The following MORC3 variants were observed in gnomAD, a reference collection of about 807,000 sequenced individuals.
The protein encoded by MORC3 is MORC family CW-type zinc finger protein 3.
Under a neutral mutation model 109.1 loss-of-function variants are expected in MORC3, and 31 were observed. That is an observed-to-expected ratio of 0.28 (90% confidence interval 0.21 to 0.38). The LOEUF is 0.38. MORC3 is among the 10% of genes least tolerant of loss of function. The probability of loss-of-function intolerance (pLI) is 1.00; values close to 1 mark genes in which losing one functional copy is unlikely to be tolerated. For missense variants in MORC3, 867 were observed against 1,135.8 expected (o/e 0.76, Z 3.40); for synonymous variants, 395 against 380.7 (o/e 1.04, Z -0.44).
intron 9 of MORC3, among the ~76,000 whole-genome samples, chr21:36,354,196 AGG>A (rs1385710443): frequency 6.6e-6 from 1 of 152,090 alleles, no homozygotes; most frequent in Non-Finnish European, 1.5e-5. Flanking sequence ...CTGAGGAAGA[AGG>A]GGGATTGGTT....
At chr21:36,350,166 G>A (rs2085554499) in intron 9 of MORC3, among the ~76,000 whole-genome samples, 1 of 152,042 alleles carries the variant, frequency 6.6e-6, no homozygotes, top group Admixed American at 6.6e-5. Context: ...AATTAGCAAG[G>A]TGTGGTGGCA....
chr21:36,324,571 C>A (rs1356385468), intron 1 of MORC3, among the ~76,000 whole-genome samples: 4 of 152,102 alleles, frequency 2.6e-5, no homozygotes, highest in African/African-American at 4.8e-5. Flanking sequence ...GCCACCATGC[C>A]TGGCCTAACC....
intron 9 of MORC3, among the ~76,000 whole-genome samples, chr21:36,353,641 G>T (rs1468541236): frequency 1.3e-5 from 2 of 151,072 alleles, no homozygotes; most frequent in South Asian, 2.1e-4. Flanking sequence ...GTGCAGTGGT[G>T]CAATCTCAGC....
At chr21:36,362,020 C>T (rs868802778) in intron 12 of MORC3, 163 bp from the exon 13 acceptor site, 11 of 755,570 alleles carry the variant, frequency 1.5e-5, no homozygotes, top group Middle Eastern at 2.9e-4. Context: ...AATTAGGGTG[C>T]TACTGAGATA....
intron 1 of MORC3, among the ~76,000 whole-genome samples, chr21:36,330,617 C>T (rs149433889): frequency 1.4e-4 from 21 of 152,308 alleles, no homozygotes; most frequent in Admixed American, 9.2e-4. Context: ...TCATATTTGG[C>T]TCAGAATAAA....
At chr21:36,320,827 T>C (rs1480077317) in intron 1 of MORC3, among the ~76,000 whole-genome samples, 1 of 152,202 alleles carries the variant, frequency 6.6e-6, no homozygotes, top group Non-Finnish European at 1.5e-5. Flanking sequence ...AGTGGAAGCC[T>C]TGGGGCCCAG....
intron 12 of MORC3, chr21:36,361,859 C>A (rs1335452496): frequency 7.0e-6 from 2 of 286,840 alleles, no homozygotes; most frequent in Non-Finnish European, 1.3e-5. Context: ...TGCACTCCAT[C>A]CTGGGCAAGA....
intron 9 of MORC3, among the ~76,000 whole-genome samples, chr21:36,351,402 T>C (rs957732734): frequency 2.0e-5 from 3 of 152,140 alleles, no homozygotes; most frequent in Admixed American, 6.6e-5. Flanking sequence ...CTGTATCTTA[T>C]TCCTTCTAAT....
intron 4 of MORC3, among the ~76,000 whole-genome samples, chr21:36,338,318 AAGTT>A (rs1345112106): frequency 5.3e-5 from 8 of 152,330 alleles, no homozygotes; most frequent in Non-Finnish European, 8.8e-5. Context: ...AGAAAGTATT[AAGTT>A]AGTTAGGAAT....
At chr21:36,325,946 G>C (rs1601506289) in intron 1 of MORC3, among the ~76,000 whole-genome samples, 1 of 152,164 alleles carries the variant, frequency 6.6e-6, no homozygotes, top group Non-Finnish European at 1.5e-5. Flanking sequence ...GGGCGCAGTG[G>C]CTCACGCCTC....
At chr21:36,374,489 A>G (rs1287088799) in intron 16 of MORC3, among the ~76,000 whole-genome samples, 2 of 152,130 alleles carry the variant, frequency 1.3e-5, no homozygotes, top group African/African-American at 2.4e-5. Flanking sequence ...TGGATATCTT[A>G]TAGAACATGT....
rs2085389847 is a variant in MORC3 at position 36,337,713 on chromosome 21, A to C, written c.246-19A>C. On this transcript the variant is annotated intron_variant, in intron 3 of 16. Transcript: ENST00000400485. ...TGATTATAGGTATTTATTTTTAAAA[A>C]TCTTTATTTTCTTCTTAGCTTTGGC... 2.6e-6 allele frequency: 4 copies of C among 1,519,526 alleles called. No individual in the cohort carries two copies. The highest frequency in any genetic ancestry group is 3.5e-6 in the Non-Finnish European group (4 of 1,128,074). The allele number at this position is 1,519,526 out of a possible 1,614,324, so 94.1% of individuals were successfully genotyped here. A position where few individuals can be genotyped will look rare whatever the true frequency, so the allele number is the denominator to read the frequency against.
Position 36,372,524 on chromosome 21 carries a change from G to A in MORC3, c.2659G>A (p.Gly887Arg). The change falls in exon 16 of 17, where the codon GGA (glycine) becomes AGA (arginine). Residue 887 changes from glycine to arginine, a missense_variant. Physicochemically the swap from Gly to Arg is moderately radical, Grantham distance 125. Coordinates refer to ENST00000400485, the MANE Select transcript of MORC3 (RefSeq NM_015358.3). ...NIEESVNHMDGESLKLRSLRV... is the reference protein window; with the variant it reads ...NIEESVNHMDRESLKLRSLRV... ...TGAGGAGTCTGTAAATCATATGGAT[G>A]GAGAAAGGTAATATTAAATGAGGCG... The A allele has an allele frequency of 3.8e-6, 6 of 1,577,058 alleles. No homozygotes were observed. The highest frequency in any genetic ancestry group is 5.1e-6 in the Non-Finnish European group (6 of 1,170,668).
chr21:36,326,817 G>T (rs185486871), intron 1 of MORC3, among the ~76,000 whole-genome samples: 8,809 of 145,068 alleles, frequency 0.061, 822 homozygotes, highest in African/African-American at 0.23. Context: ...TAAATTTAAA[G>T]ATTTTTTTTT....
rs1314561403 is a variant in MORC3, at chr21:36,364,955, G to A, written c.1619+696G>A. Among the ~76,000 whole-genome samples the A allele has an allele frequency of 2.0e-5, 3 of 147,028 alleles. No individual in the cohort carries two copies. The East Asian group carries it at 6.2e-4, about 30-fold the overall frequency. On this transcript the variant is annotated intron_variant, in intron 14 of 16. Coordinates refer to ENST00000400485, the MANE Select transcript of MORC3 (RefSeq NM_015358.3). ...TAATCCCAGCTACTTGGGAGGCTGA[G>A]GCAAGAGAATCGCTTGAACCTGGGA... is the stretch of plus-strand genomic sequence containing the variant.
chr21:36,333,090 A>G (rs974990831), intron 1 of MORC3, among the ~76,000 whole-genome samples: 1 of 152,094 alleles, frequency 6.6e-6, no homozygotes, highest in African/African-American at 2.4e-5. Flanking sequence ...CCCGGCCAAC[A>G]ATTGTAACTC....
intron 6 of MORC3, among the ~76,000 whole-genome samples, chr21:36,343,624 T>C (rs1255059961): frequency 6.6e-6 from 1 of 151,562 alleles, no homozygotes; most frequent in African/African-American, 2.4e-5. Flanking sequence ...AATTTTTGTA[T>C]TTTTAGTAGA....
rs2085341930 is a variant in MORC3 at position 36,333,780 on chromosome 21, T to TG, written c.112+62_112+63insG. The TG allele has an allele frequency of 3.0e-6, 4 of 1,318,470 alleles. No homozygotes were observed. In the African/African-American group the frequency reaches 6.4e-5, roughly 21 times the overall value. The allele number at this position is 1,318,470 out of a possible 1,614,324, so 81.7% of individuals were successfully genotyped here. On this transcript the variant is annotated intron_variant, in intron 2 of 16. Coordinates refer to ENST00000400485, the MANE Select transcript of MORC3 (RefSeq NM_015358.3). ...TACAATTGTAGTGTTTTTTTTTTTG[T>TG]TTTGTTTTGTTTTTTTTTTTTAAAC...
chr21:36,323,265 A>G (rs573435759), intron 1 of MORC3, among the ~76,000 whole-genome samples: 31 of 152,224 alleles, frequency 2.0e-4, no homozygotes, highest in African/African-American at 6.5e-4. Flanking sequence ...GCCATTCTGA[A>G]GCCTACTCTC....
Sources: allele counts gnomAD v4.1 joint callset (sites outside exome capture counted in the v4.1 genomes callset), GRCh38; gene constraint gnomAD v4.1.1; transcripts MANE v1.5; gene names NCBI Gene and HGNC (gene_info 2026-07-23, HGNC 2026-07-21).